ILRUN: variants seen among roughly 807,000 people sequenced by gnomAD.
ILRUN encodes protein ILRUN.
Under a neutral mutation model 33.8 loss-of-function variants are expected in ILRUN, and 3 were observed. The observed-to-expected ratio is 0.09, with a 90% confidence interval of 0.04 to 0.23. ILRUN has a LOEUF of 0.23. Ranked by LOEUF, ILRUN falls within the 10% of genes least tolerant of loss-of-function variation. The pLI, the probability that ILRUN is intolerant of heterozygous loss-of-function variation, is 1.00. For synonymous variants in ILRUN, 124 were observed against 138.9 expected (o/e 0.89, Z 0.75); for missense variants, 210 against 375.1 (o/e 0.56, Z 3.64).
intron 4 of ILRUN, among the ~76,000 whole-genome samples, chr6:34,603,347 T>C (rs1020155843): frequency 9.2e-5 from 14 of 152,060 alleles, no homozygotes; most frequent in African/African-American, 3.4e-4. Flanking sequence ...ACCCTATCTG[T>C]ACTAAAAATA....
intron 1 of ILRUN, among the ~76,000 whole-genome samples, chr6:34,693,188 CCTG>C (rs1479489710): frequency 2.6e-5 from 4 of 152,210 alleles, no homozygotes; most frequent in East Asian, 3.9e-4. Flanking sequence ...GAAAAGCCTT[CCTG>C]CTTTTAGTTC....
chr6:34,678,856 A>AAAG (rs1554189189), intron 1 of ILRUN, among the ~76,000 whole-genome samples: 52 of 149,964 alleles, frequency 3.5e-4, no homozygotes, highest in African/African-American at 1.2e-3. Context: ...AAAAAAAAAA[A>AAAG]AAAGAAAGAA....
Position 34,630,355 on chromosome 6 carries a change from G to A in ILRUN, c.511+16246C>T, listed in dbSNP as rs142401787. Among the ~76,000 whole-genome samples, 1,333 of 152,224 alleles carry A rather than the reference G, an allele frequency of 8.8e-3. 11 individuals carry two copies. The highest frequency in any genetic ancestry group is 0.011 in the Non-Finnish European group (775 of 67,988). ...GTGAAACTTTCCTATCCACCAGATAGGGTGATGGGGAGGCTACTGTATTCT... is the reference window on the plus strand; with the variant it reads ...GTGAAACTTTCCTATCCACCAGATAAGGTGATGGGGAGGCTACTGTATTCT... On this transcript the variant is annotated intron_variant, in intron 3 of 4. Transcript: ENST00000374023.
intron 3 of ILRUN, among the ~76,000 whole-genome samples, chr6:34,613,090 A>C (rs1399969027): frequency 6.6e-6 from 1 of 151,846 alleles, no homozygotes; most frequent in Non-Finnish European, 1.5e-5. Flanking sequence ...GTGCACCTGT[A>C]GTCTCAGCTA....
chr6:34,671,320 A>G (rs1275620229), intron 1 of ILRUN, among the ~76,000 whole-genome samples: 2 of 152,204 alleles, frequency 1.3e-5, no homozygotes, highest in African/African-American at 2.4e-5. Context: ...TGGGAGGTTG[A>G]GGTTGCAGTG....
chr6:34,631,702 A>C (rs1472892413), intron 3 of ILRUN, among the ~76,000 whole-genome samples: 1 of 152,174 alleles, frequency 6.6e-6, no homozygotes, highest in African/African-American at 2.4e-5. Flanking sequence ...CTACTCAGAG[A>C]AACAGAAAGA....
At chr6:34,633,493 C>A (rs528015573) in intron 3 of ILRUN, among the ~76,000 whole-genome samples, 2 of 152,038 alleles carry the variant, frequency 1.3e-5, no homozygotes, top group South Asian at 4.1e-4. Flanking sequence ...TTTTGAAGTA[C>A]GCATGGAATA....
At chr6:34,607,926 C>G (rs1582039563) in intron 3 of ILRUN, among the ~76,000 whole-genome samples, 2 of 152,108 alleles carry the variant, frequency 1.3e-5, no homozygotes, top group East Asian at 3.8e-4. Context: ...GACTCTGTCT[C>G]TACCAAAAAC....
chr6:34,608,656 G>A (rs2814977), intron 3 of ILRUN, among the ~76,000 whole-genome samples: 25,185 of 152,008 alleles, frequency 0.17, 2,293 homozygotes, highest in African/African-American at 0.23. Context: ...GAATTTTTCA[G>A]CTCCATTATA....
intron 4 of ILRUN, among the ~76,000 whole-genome samples, chr6:34,597,892 C>T (rs1191346823): frequency 6.6e-6 from 1 of 152,200 alleles, no homozygotes; most frequent in African/African-American, 2.4e-5. Context: ...GGTTCTTCTT[C>T]CCTCCAATTC....
chr6:34,594,260 C>T (rs531803569), intron 4 of ILRUN, among the ~76,000 whole-genome samples: 125 of 152,208 alleles, frequency 8.2e-4, no homozygotes, highest in African/African-American at 2.8e-3. Flanking sequence ...ACCACAGAAC[C>T]CTGAATTCAA....
At chr6:34,682,028 TTTTATTTTTTTAC>T (rs1763370656) in intron 1 of ILRUN, among the ~76,000 whole-genome samples, 2 of 144,776 alleles carry the variant, frequency 1.4e-5, no homozygotes, top group Non-Finnish European at 3.0e-5. Context: ...ATTCTTATAT[TTTTATTTTTTTAC>T]TTTTTTTTTT....
chr6:34,590,864 T>TAG, intron 4 of ILRUN, among the ~76,000 whole-genome samples: 1 of 152,322 alleles, frequency 6.6e-6, no homozygotes, highest in East Asian at 1.9e-4. Flanking sequence ...TTTCAGATGG[T>TAG]AGATCAGTCA....
intron 2 of ILRUN, among the ~76,000 whole-genome samples, chr6:34,647,665 C>T (rs550099416): frequency 6.6e-6 from 1 of 152,234 alleles, no homozygotes; most frequent in African/African-American, 2.4e-5. Context: ...TCTGGGTTTA[C>T]ACAATTCTCC....
chr6:34,640,163 T>C (rs1366649466), intron 3 of ILRUN, among the ~76,000 whole-genome samples: 2 of 152,154 alleles, frequency 1.3e-5, no homozygotes, highest in Non-Finnish European at 2.9e-5. Flanking sequence ...GGACAGTGTT[T>C]GTTATCAAGA....
At chr6:34,625,131 A>T (rs535846908) in intron 3 of ILRUN, among the ~76,000 whole-genome samples, 14 of 152,338 alleles carry the variant, frequency 9.2e-5, no homozygotes, top group African/African-American at 3.4e-4. Context: ...GGAGTTGAAT[A>T]TAGCAACAAA....
chr6:34,671,188 C>T (rs1331901842), intron 1 of ILRUN, among the ~76,000 whole-genome samples: 4 of 152,064 alleles, frequency 2.6e-5, no homozygotes, highest in African/African-American at 9.7e-5. Context: ...GGGCAGATCA[C>T]TTAAGCCCAG....
chr6:34,691,691 G>C (rs922618747), intron 1 of ILRUN, among the ~76,000 whole-genome samples: 1 of 152,166 alleles, frequency 6.6e-6, no homozygotes, highest in East Asian at 1.9e-4. Flanking sequence ...AGCTACTCGG[G>C]AGGCTGAGGC....
chr6:34,618,505 C>T (rs144648779), intron 3 of ILRUN, among the ~76,000 whole-genome samples: 3 of 152,284 alleles, frequency 2.0e-5, no homozygotes, highest in African/African-American at 7.2e-5. Context: ...ACCAAGCATC[C>T]CTTAAAGCTT....
Sources: allele counts gnomAD v4.1 joint callset (sites outside exome capture counted in the v4.1 genomes callset), GRCh38; gene constraint gnomAD v4.1.1; transcripts MANE v1.5; gene names NCBI Gene and HGNC (gene_info 2026-07-23, HGNC 2026-07-21).